ADCK2: variants seen among roughly 807,000 people sequenced by gnomAD.
ADCK2 encodes aarF domain containing kinase 2, also known as uncharacterized aarF domain-containing protein kinase 2.
ADCK2 carries 37 observed loss-of-function variants against 52.3 expected under a neutral mutation model. The observed-to-expected ratio is 0.71, with a 90% CI of 0.54 to 0.93. The LOEUF (loss-of-function observed/expected upper bound fraction) is 0.93, where lower values mean the gene tolerates loss of function less well. ADCK2 is among the 40% of genes least tolerant of loss of function. The pLI is 0.00. For missense variants in ADCK2, 695 were observed against 798.7 expected (o/e 0.87, Z 1.56); for synonymous variants, 321 against 349.2 (o/e 0.92, Z 0.90).
intron 5 of ADCK2, 144 bp downstream of exon 5, chr7:140,687,385 G>A: frequency 8.7e-7 from 1 of 1,148,538 alleles, no homozygotes; most frequent in South Asian, 1.7e-5. Context: ...TTCAAGGCCA[G>A]CCTGAGCAAC....
In ADCK2 at chr7:140,674,837, A is replaced by G; in HGVS notation, c.1080+80A>G. On this transcript the variant is annotated intron_variant, in intron 2 of 7. Transcript: ENST00000072869. The surrounding 1 kb of genome is among the most constrained non-coding windows in gnomAD (Gnocchi z 4.6). ...GCTGCTACTTAGTAAATGTTGAATGAATAATTTTCTGGTATGTCATAACTC... is the reference window on the plus strand; with the variant it reads ...GCTGCTACTTAGTAAATGTTGAATGGATAATTTTCTGGTATGTCATAACTC... 1 of 1,485,674 alleles carries G rather than the reference A, an allele frequency of 6.7e-7. No homozygotes were observed. The highest frequency in any genetic ancestry group is 9.1e-7 in the Non-Finnish European group (1 of 1,098,642). 92.0% of individuals were successfully genotyped at this position (1,485,674 alleles called of 1,614,324 possible).
Position 140,694,872 on chromosome 7 carries a change from G to T in ADCK2, c.*69G>T. 1 of 1,519,668 alleles carries T rather than the reference G, an allele frequency of 6.6e-7. No individual in the cohort carries two copies. The allele number at this position is 1,519,668 out of a possible 1,614,324, so 94.1% of individuals were successfully genotyped here. A position where few individuals can be genotyped will look rare whatever the true frequency, so the allele number is the denominator to read the frequency against. On this transcript the variant is annotated 3_prime_UTR_variant, in exon 8 of 8. Coordinates refer to ENST00000072869, the MANE Select transcript of ADCK2 (RefSeq NM_052853.4). The stretch of plus-strand genomic sequence containing the variant: ...ACTCCCAAGAGCCTCTCCTATGGCA[G>T]CTGGGACGTTTTAAAATTGGGACAC...
intron 5 of ADCK2, among the ~76,000 whole-genome samples, chr7:140,689,084 C>T (rs1440189353): frequency 6.6e-6 from 1 of 151,856 alleles, no homozygotes; most frequent in Non-Finnish European, 1.5e-5. Context: ...TCTCCTGCCT[C>T]AGCCTCCCAG....
In ADCK2 at chr7:140,693,711, ATTTT is replaced by A. The variant is rs1450870029; in HGVS notation, c.1741-947_1741-944del. On this transcript the variant is annotated intron_variant, in intron 7 of 7. Transcript: ENST00000072869. This position sits in a 1 kb window ranked among gnomAD's most constrained non-coding sequence, Gnocchi z 4.0. ...AGCAGTCAATTGTGTGTTGTCTCTG[ATTTT>A]TTTTATTTTTTTGAGATGGAGTTTC... Among the ~76,000 whole-genome samples, 1 of 151,904 alleles carries A rather than the reference ATTTT, an allele frequency of 6.6e-6. No individual in the cohort carries two copies. The highest frequency in any genetic ancestry group is 1.5e-5 in the Non-Finnish European group (1 of 67,962).
intron 4 of ADCK2, among the ~76,000 whole-genome samples, chr7:140,686,583 T>C (rs1293580816): frequency 6.6e-6 from 1 of 152,020 alleles, no homozygotes; most frequent in Non-Finnish European, 1.5e-5. Flanking sequence ...CCCGGCCTTA[T>C]TTATTTATTT....
intron 3 of ADCK2, among the ~76,000 whole-genome samples, chr7:140,680,231 C>T (rs1178969542): frequency 6.6e-6 from 1 of 151,724 alleles, no homozygotes; most frequent in African/African-American, 2.4e-5. Context: ...CTGCAGCCTC[C>T]ACCTCCTGGG....
intron 7 of ADCK2, among the ~76,000 whole-genome samples, chr7:140,691,131 G>A (rs1277617016): frequency 1.3e-5 from 2 of 151,972 alleles, no homozygotes; most frequent in Admixed American, 1.3e-4. Context: ...TCACCATGTT[G>A]GCCAGGCTGA....
intron 4 of ADCK2, among the ~76,000 whole-genome samples, chr7:140,685,299 A>C (rs1794586993): frequency 6.6e-6 from 1 of 151,838 alleles, no homozygotes; most frequent in Admixed American, 6.6e-5. Flanking sequence ...AAACACAAAA[A>C]ATTAGCCGGG....
intron 2 of ADCK2, among the ~76,000 whole-genome samples, chr7:140,676,513 G>A (rs1202361403): frequency 2.0e-5 from 3 of 152,114 alleles, no homozygotes; most frequent in African/African-American, 7.2e-5. Context: ...TTCCCCTTGC[G>A]GAAGTCTGAC....
chr7:140,683,910 C>T (rs1398674075), intron 4 of ADCK2, among the ~76,000 whole-genome samples: 4 of 152,188 alleles, frequency 2.6e-5, no homozygotes, highest in Admixed American at 2.0e-4. Flanking sequence ...TTTGATGGTG[C>T]TTCCATGGGA....
At chr7:140,685,427 G>A (rs148742533) in intron 4 of ADCK2, among the ~76,000 whole-genome samples, 3,550 of 151,446 alleles carry the variant, frequency 0.023, 127 homozygotes, top group African/African-American at 0.08. Flanking sequence ...TCTAGCCTGG[G>A]CAACAGAGTG....
Position 140,673,377 on chromosome 7 carries a change from T to A in ADCK2, c.47T>A (p.Leu16Gln). Residue 16 changes from leucine to glutamine, a missense_variant, in exon 1 of 8, where the codon CTG becomes CAG. Coordinates refer to ENST00000072869, the MANE Select transcript of ADCK2 (RefSeq NM_052853.4). This position sits in a 1 kb window ranked among gnomAD's most constrained non-coding sequence, Gnocchi z 6.4. ...TCCGTCAGGGTTTGCCTGTCGCACC[T>A]GAGGTGCTTCGAGCTCAGACAGGGA... The part of the protein sequence containing the change: ...RVSVRVCLSH[L>Q]RCFELRQGLS... The A allele has an allele frequency of 6.5e-7, 1 of 1,534,570 alleles. No homozygotes were observed. Among genetic ancestry groups the A allele is most frequent in the Non-Finnish European group, 8.8e-7 (1 of 1,141,282 alleles).
At chr7:140,694,256 C>T (rs1794757417) in intron 7 of ADCK2, among the ~76,000 whole-genome samples, 1 of 152,140 alleles carries the variant, frequency 6.6e-6, no homozygotes, top group African/African-American at 2.4e-5. Flanking sequence ...TGCACTCCAG[C>T]CTAGGTGACA....
At chr7:140,680,292 C>T (rs1302310462) in intron 3 of ADCK2, among the ~76,000 whole-genome samples, 5 of 151,732 alleles carry the variant, frequency 3.3e-5, no homozygotes, top group African/African-American at 1.2e-4. Flanking sequence ...ACCATAGGCA[C>T]GAGCCACCAT....
At chr7:140,679,367 C>G in intron 3 of ADCK2, 84 bp downstream of exon 3, 2 of 1,557,574 alleles carry the variant, frequency 1.3e-6, no homozygotes, top group Non-Finnish European at 1.8e-6. Context: ...AGGCTTCAGT[C>G]TGGAGAGAGG....
In ADCK2 at chr7:140,687,085, G is replaced by T; in HGVS notation, c.1401G>T (p.Leu467=). The change falls in exon 5 of 8, where the codon CTG becomes CTT. Residue 467 remains leucine (L), a synonymous_variant. Transcript: ENST00000072869. ...TGTCCTCGAGTCAGGAGGCGCAGCTGCAGCAGGCGGACATCTGTGACACTC... is the reference window on the plus strand; with the variant it reads ...TGTCCTCGAGTCAGGAGGCGCAGCTTCAGCAGGCGGACATCTGTGACACTC... ...NGLSSSQEAQ[L]QQADICDTLV... 6.2e-7 allele frequency: 1 copy of T among 1,614,020 alleles called. No individual in the cohort carries two copies. The highest frequency in any genetic ancestry group is 8.5e-7 in the Non-Finnish European group (1 of 1,180,036).
chr7:140,686,722 G>A (rs993295318), intron 4 of ADCK2, among the ~76,000 whole-genome samples: 3 of 152,126 alleles, frequency 2.0e-5, no homozygotes, highest in Admixed American at 2.0e-4. Context: ...TGGGATTATA[G>A]GTGTAAAGCC....
Position 140,673,663 on chromosome 7 carries a change from C to T in ADCK2, c.333C>T (p.Phe111=), listed in dbSNP as rs776867048. The change falls in exon 1 of 8, where the codon TTC becomes TTT. Residue 111 remains phenylalanine (F), a synonymous_variant. Transcript: ENST00000072869. The surrounding 1 kb of genome is among the most constrained non-coding windows in gnomAD (Gnocchi z 6.4). ...CCGGCGCTCTGTTGGTGAAATTCTTCCCCCTCCTACTCCTCTACCCCCTCA... is the reference window on the plus strand; with the variant it reads ...CCGGCGCTCTGTTGGTGAAATTCTTTCCCCTCCTACTCCTCTACCCCCTCA... ...LRAGALLVKF[F]PLLLLYPLTY... is the part of the protein sequence containing the mutation. 6.2e-7 allele frequency: 1 copy of T among 1,610,954 alleles called. No individual in the cohort carries two copies. The highest frequency in any genetic ancestry group is 1.1e-5 in the South Asian group (1 of 91,050).
chr7:140,685,833 C>T (rs1794596636), intron 4 of ADCK2, among the ~76,000 whole-genome samples: 1 of 152,180 alleles, frequency 6.6e-6, no homozygotes, highest in African/African-American at 2.4e-5. Context: ...GCTGGGGTTT[C>T]CCTGACCTCC....
Sources: gnomAD v4.1 joint callset for allele counts (sites outside exome capture counted in the v4.1 genomes callset) on GRCh38, gnomAD v4.1.1 for gene constraint, Gnocchi (gnomAD v3.1) non-coding constraint, MANE v1.5 for transcripts, NCBI Gene and HGNC (gene_info 2026-07-23, HGNC 2026-07-21) for gene names.